Variants in PIWIL3 observed in about 807,000 individuals in gnomAD.
PIWIL3 encodes the protein piwi like RNA-mediated gene silencing 3.
PIWIL3 carries 101 observed loss-of-function variants against 109.7 expected under a neutral mutation model. The observed-to-expected ratio is 0.92, with a 90% confidence interval of 0.78 to 1.09. The LOEUF (loss-of-function observed/expected upper bound fraction) is 1.09. Among genes scored for constraint, PIWIL3 ranks in the 50% least tolerant of loss-of-function variants. The pLI is 0.00. For missense variants in PIWIL3, 1,031 were observed against 1,072.6 expected, an observed-to-expected ratio of 0.96 and a Z score of 0.54; for synonymous variants, 373 against 376.4, an observed-to-expected ratio of 0.99 and a Z score of 0.10.
chr22:24,719,818 G>C lies in PIWIL3; in HGVS notation c.2435C>G (p.Thr812Arg). The C allele has an allele frequency of 6.2e-7, 1 of 1,611,012 alleles. No individual in the cohort carries two copies. Among genetic ancestry groups the C allele is most frequent in the East Asian group, 2.2e-5 (1 of 44,844 alleles). ...TPTHYNVIYD[T>R]IGLSPDTVQR... ...TACTGTATCTGGGCTCAAGCCAATC[G>C]TGTCATAGATGACGTTATAATGAGT... The change falls in exon 20 of 21, where the codon ACG (threonine) becomes AGG (arginine). Residue 812 changes from threonine to arginine, a missense_variant. By Grantham distance (71) the Thr-to-Arg change is moderately conservative (BLOSUM62 -1). Transcript: ENST00000616349.
rs140269494 is a variant in PIWIL3 at position 24,736,735 on chromosome 22, G to A, written c.1450-843C>T. 2.4e-3 allele frequency among the ~76,000 whole-genome samples: 369 copies of A among 152,338 alleles called. 2 individuals are homozygous for A. Among genetic ancestry groups the A allele is most frequent in the Non-Finnish European group, 4.1e-3 (282 of 68,030 alleles). ...CTGACGTCACCCTTCTCCCACCCCT[G>A]CATGGTGCCAAGAATCTGTGCAGTT... On this transcript the variant is annotated intron_variant, in intron 12 of 20. Transcript: ENST00000616349.
chr22:24,771,199 A>G (rs539365695), intron 1 of PIWIL3, among the ~76,000 whole-genome samples: 1 of 152,018 alleles, frequency 6.6e-6, no homozygotes, highest in Non-Finnish European at 1.5e-5. Context: ...GCGGTGGCTG[A>G]TGCCTGTAAT....
intron 3 of PIWIL3, 136 bp downstream of exon 3, chr22:24,759,733 G>A (rs1925300055): frequency 3.1e-6 from 4 of 1,289,830 alleles, no homozygotes; most frequent in Non-Finnish European, 4.3e-6. Context: ...AAGAGAGACA[G>A]TTGCAAGCTG....
chr22:24,733,078 T>C (rs1326472720), intron 14 of PIWIL3, among the ~76,000 whole-genome samples: 1 of 152,144 alleles, frequency 6.6e-6, no homozygotes, highest in Admixed American at 6.5e-5. Context: ...ATGCAGACAT[T>C]ACATTTCAGA....
intron 7 of PIWIL3, 26 bp downstream of exon 7, chr22:24,754,758 T>C: frequency 1.3e-6 from 2 of 1,527,462 alleles, no homozygotes; most frequent in Non-Finnish European, 1.8e-6. Flanking sequence ...GTCTGCAGAG[T>C]GTGAAATTTT....
At chr22:24,746,381 T>C (rs1924369873) in intron 12 of PIWIL3, among the ~76,000 whole-genome samples, 1 of 152,086 alleles carries the variant, frequency 6.6e-6, no homozygotes, top group Non-Finnish European at 1.5e-5. Context: ...CCTTCATAAT[T>C]GAAAACCCTC....
chr22:24,722,558 C>CA (rs1922735523), intron 19 of PIWIL3, among the ~76,000 whole-genome samples: 2 of 151,848 alleles, frequency 1.3e-5, no homozygotes, highest in South Asian at 2.1e-4. Flanking sequence ...ACTAAAAATA[C>CA]AAAAAATTAG....
At chr22:24,762,543 G>C (rs770399781) in intron 1 of PIWIL3, 22 bp from the exon 2 acceptor site, 10 of 1,571,994 alleles carry the variant, frequency 6.4e-6, no homozygotes, top group African/African-American at 2.7e-5. Context: ...AGTTATATTA[G>C]ACATCTCTGT....
Position 24,768,488 on chromosome 22 carries a change from G to A in PIWIL3, c.-23+5834C>T, listed in dbSNP as rs193053390. ...AGGATGGTCTTGAACTCCTGACCTC[G>A]TGATCCACCCGCCTCAGCATCCCAA... On this transcript the variant is annotated intron_variant, in intron 1 of 20. Coordinates refer to ENST00000616349, the MANE Select transcript of PIWIL3 (RefSeq NM_001255975.1). Among the ~76,000 whole-genome samples, 53 of 152,208 alleles carry A rather than the reference G, an allele frequency of 3.5e-4. No homozygotes were observed. The East Asian group carries it at 7.9e-3, about 23-fold the overall frequency.
intron 3 of PIWIL3, among the ~76,000 whole-genome samples, chr22:24,758,586 T>A (rs9612755): frequency 0.013 from 1,980 of 152,312 alleles, 22 homozygotes; most frequent in Middle Eastern, 0.027. Context: ...AGAGGCATCC[T>A]GAAGGAATAC....
intron 12 of PIWIL3, 98 bp downstream of exon 12, chr22:24,748,809 A>G (rs1016396185): frequency 2.3e-6 from 2 of 871,504 alleles, no homozygotes; most frequent in Non-Finnish European, 3.5e-6. Context: ...TGAAAAAAGA[A>G]CAGCAGTCGT....
intron 14 of PIWIL3, among the ~76,000 whole-genome samples, chr22:24,729,595 G>T (rs1392513459): frequency 6.6e-6 from 1 of 152,102 alleles, no homozygotes; most frequent in African/African-American, 2.4e-5. Context: ...TTACTAATTG[G>T]CCTGTTCCTG....
chr22:24,754,965 A>G (rs1339532238), intron 6 of PIWIL3, 101 bp from the exon 7 acceptor site: 2 of 887,226 alleles, frequency 2.3e-6, no homozygotes, highest in Non-Finnish European at 1.8e-6. Flanking sequence ...GACTGTTTAT[A>G]TTATCAATGA....
chr22:24,726,564 C>T (rs1461707784), intron 16 of PIWIL3, among the ~76,000 whole-genome samples: 6 of 152,158 alleles, frequency 3.9e-5, no homozygotes, highest in Admixed American at 1.3e-4. Flanking sequence ...GGATTACAGG[C>T]GTGAGCCGCC....
At chr22:24,744,776 G>C (rs1924255156) in intron 12 of PIWIL3, among the ~76,000 whole-genome samples, 1 of 152,138 alleles carries the variant, frequency 6.6e-6, no homozygotes, top group Non-Finnish European at 1.5e-5. Flanking sequence ...AGGAGAGATA[G>C]TCCCCAATAC....
chr22:24,745,962 A>G (rs748215447), intron 12 of PIWIL3, among the ~76,000 whole-genome samples: 3 of 152,154 alleles, frequency 2.0e-5, no homozygotes, highest in Non-Finnish European at 4.4e-5. Flanking sequence ...TCAGAGATGT[A>G]ATAAAAAGTT....
intron 1 of PIWIL3, among the ~76,000 whole-genome samples, chr22:24,766,895 T>C (rs961084078): frequency 5.9e-5 from 9 of 151,470 alleles, no homozygotes; most frequent in African/African-American, 2.2e-4. Flanking sequence ...TTTGGGAGGC[T>C]GAGGCAGGAG....
chr22:24,774,260 T>C (rs1926297593), intron 1 of PIWIL3, 62 bp downstream of exon 1: 1 of 152,368 alleles, frequency 6.6e-6, no homozygotes, highest in Non-Finnish European at 1.5e-5. Context: ...TCCTGTTCTA[T>C]GCCCCCATGC....
intron 1 of PIWIL3, among the ~76,000 whole-genome samples, chr22:24,766,592 G>A (rs1478779820): frequency 5.3e-5 from 8 of 152,028 alleles, no homozygotes; most frequent in Non-Finnish European, 1.2e-4. Context: ...AAAGTGCTGG[G>A]ATTACAGGCG....
Sources: gnomAD v4.1 joint callset for allele counts (sites outside exome capture counted in the v4.1 genomes callset) on GRCh38, gnomAD v4.1.1 for gene constraint, MANE v1.5 for transcripts, NCBI Gene and HGNC (gene_info 2026-07-23, HGNC 2026-07-21) for gene names.